The following AUTS2 variants were observed in gnomAD, a reference collection of about 807,000 sequenced individuals.
The protein encoded by AUTS2 is autism susceptibility gene 2 protein.
AUTS2 carries 17 observed loss-of-function variants against 112.4 expected under a neutral mutation model. The ratio of observed to expected loss-of-function variants is 0.15; its 90% confidence interval spans 0.10 to 0.23. The LOEUF (loss-of-function observed/expected upper bound fraction) is 0.23. Ranked by LOEUF, AUTS2 falls within the 10% of genes least tolerant of loss-of-function variation. The pLI, the probability that AUTS2 is intolerant of heterozygous loss-of-function variation, is 1.00. For missense variants in AUTS2, 1,510 were observed against 1,701.6 expected (o/e 0.89, Z 1.98); for synonymous variants, 751 against 702.7 (o/e 1.07, Z -1.09).
intron 4 of AUTS2, among the ~76,000 whole-genome samples, chr7:70,373,816 T>C (rs1232652887): frequency 6.6e-6 from 1 of 152,232 alleles, no homozygotes; most frequent in Non-Finnish European, 1.5e-5. Flanking sequence ...TGGTTTTTGT[T>C]TATATCCTTC....
intron 4 of AUTS2, among the ~76,000 whole-genome samples, chr7:70,395,817 G>A (rs1228590991): frequency 2.0e-5 from 3 of 152,168 alleles, no homozygotes; most frequent in African/African-American, 7.2e-5. Context: ...TCTGGGAACT[G>A]CACTTAACTC....
chr7:69,978,987 A>T (rs1256543239), intron 2 of AUTS2, among the ~76,000 whole-genome samples: 1 of 152,016 alleles, frequency 6.6e-6, no homozygotes, highest in Non-Finnish European at 1.5e-5. Flanking sequence ...GTTTAAAGTT[A>T]TGTACTCTAG....
At chr7:70,581,301 G>A (rs1455923842) in intron 5 of AUTS2, among the ~76,000 whole-genome samples, 3 of 152,170 alleles carry the variant, frequency 2.0e-5, no homozygotes, top group Non-Finnish European at 2.9e-5. Flanking sequence ...CAGGAAAATT[G>A]CTTGAAACTG....
At chr7:70,487,180 G>A (rs138870423) in intron 5 of AUTS2, among the ~76,000 whole-genome samples, 18 of 152,168 alleles carry the variant, frequency 1.2e-4, no homozygotes, top group African/African-American at 3.1e-4. Context: ...GACACATTTT[G>A]CCCTCCTTTT....
Position 69,598,550 on chromosome 7 carries a change from G to GAGA in AUTS2, c.-1104_-1103insAGA. ...GGCTCGGGGCTTTCTCGGCGGCGGCGGCGGCAGCAGCAGCAGCGTTAGCGG... is the reference window on the plus strand; with the variant it reads ...GGCTCGGGGCTTTCTCGGCGGCGGCGAGAGCGGCAGCAGCAGCAGCGTTAGCGG... On this transcript the variant is annotated 5_prime_UTR_variant, in exon 1 of 19. Transcript: ENST00000342771. The GAGA allele has an allele frequency of 5.8e-6, 1 of 172,242 alleles. No homozygotes were observed. Among genetic ancestry groups the GAGA allele is most frequent in the Non-Finnish European group, 1.2e-5 (1 of 82,304 alleles). The allele number at this position is 172,242 out of a possible 1,614,324, so 10.7% of individuals were successfully genotyped here.
intron 5 of AUTS2, among the ~76,000 whole-genome samples, chr7:70,466,963 G>T: frequency 6.6e-6 from 1 of 152,200 alleles, no homozygotes; most frequent in Non-Finnish European, 1.5e-5. Flanking sequence ...CAATGTGGGG[G>T]CTGAGAGAAG....
chr7:70,305,358 G>T (rs955335189), intron 4 of AUTS2, among the ~76,000 whole-genome samples: 4 of 151,232 alleles, frequency 2.6e-5, no homozygotes, highest in African/African-American at 9.7e-5. Context: ...CACCTTTTTG[G>T]TTTTCCTTTT....
intron 4 of AUTS2, among the ~76,000 whole-genome samples, chr7:70,257,119 G>C (rs1175081690): frequency 6.6e-6 from 1 of 152,026 alleles, no homozygotes; most frequent in Non-Finnish European, 1.5e-5. Context: ...CCTTCCTTCT[G>C]CATGCCTATT....
chr7:69,856,775 G>A (rs922430053), intron 1 of AUTS2, among the ~76,000 whole-genome samples: 24 of 152,272 alleles, frequency 1.6e-4, no homozygotes, highest in Admixed American at 1.6e-3. Context: ...TTTCCTTGTT[G>A]TACCCTTGTT....
At chr7:69,660,739 T>G (rs1795749418) in intron 1 of AUTS2, among the ~76,000 whole-genome samples, 1 of 152,194 alleles carries the variant, frequency 6.6e-6, no homozygotes, top group Admixed American at 6.5e-5. Flanking sequence ...AAGACCTTCC[T>G]GGCTAACACA....
At chr7:70,562,641 C>T (rs1462075286) in intron 5 of AUTS2, among the ~76,000 whole-genome samples, 2 of 152,136 alleles carry the variant, frequency 1.3e-5, no homozygotes, top group Non-Finnish European at 2.9e-5. Context: ...ACCAGGAACC[C>T]CTTATTTCTT....
rs539906116 is a variant in AUTS2, at chr7:70,515,023, AT to A, written c.690+79250del. ...AGCTCTTTATATACTCTGGATACTAATTTTTTTTGGTTGTATGTTTTGTAAC... is the reference window on the plus strand; with the variant it reads ...AGCTCTTTATATACTCTGGATACTAATTTTTTTGGTTGTATGTTTTGTAAC... On this transcript the variant is annotated intron_variant, in intron 5 of 18. Transcript: ENST00000342771. 1.4e-3 allele frequency among the ~76,000 whole-genome samples: 220 copies of A among 151,832 alleles called. 2 individuals carry two copies. In the Middle Eastern group the frequency reaches 0.02, roughly 14 times the overall value.
intron 2 of AUTS2, among the ~76,000 whole-genome samples, chr7:70,112,906 C>G (rs1584740928): frequency 1.3e-5 from 2 of 151,772 alleles, no homozygotes; most frequent in Non-Finnish European, 2.9e-5. Context: ...GCTTTCTTGC[C>G]ACTTTTCTTA....
At chr7:70,740,124 A>G (rs1367392646) in intron 6 of AUTS2, among the ~76,000 whole-genome samples, 6 of 152,196 alleles carry the variant, frequency 3.9e-5, no homozygotes, top group Non-Finnish European at 8.8e-5. Flanking sequence ...TTTCCCAGTG[A>G]CAGATTTTTA....
chr7:69,975,670 ATTTT>A (rs1330105144), intron 2 of AUTS2, among the ~76,000 whole-genome samples: 4 of 150,438 alleles, frequency 2.7e-5, no homozygotes, highest in Non-Finnish European at 5.9e-5. Context: ...CATCCGTTGA[ATTTT>A]TTTAATTGTT....
At chr7:70,558,633 TC>T (rs1280643093) in intron 5 of AUTS2, among the ~76,000 whole-genome samples, 1 of 152,222 alleles carries the variant, frequency 6.6e-6, no homozygotes, top group Non-Finnish European at 1.5e-5. Flanking sequence ...GCCTCAGCTT[TC>T]TGAAAAATAT....
intron 6 of AUTS2, among the ~76,000 whole-genome samples, chr7:70,735,089 C>T (rs540407099): frequency 1.3e-5 from 2 of 152,088 alleles, no homozygotes; most frequent in East Asian, 3.9e-4. Flanking sequence ...AGGAAATGGC[C>T]GTCAATTCTG....
At chr7:70,221,510 C>T (rs1811483826) in intron 4 of AUTS2, among the ~76,000 whole-genome samples, 1 of 152,142 alleles carries the variant, frequency 6.6e-6, no homozygotes, top group Non-Finnish European at 1.5e-5. Flanking sequence ...AGTCCTTGCC[C>T]CCAGCCTACC....
intron 1 of AUTS2, among the ~76,000 whole-genome samples, chr7:69,615,233 A>T (rs958300276): frequency 3.3e-5 from 5 of 152,204 alleles, no homozygotes; most frequent in African/African-American, 1.2e-4. Context: ...ATGGGCTGTC[A>T]GGGATGGGTG....
Sources: allele counts gnomAD v4.1 joint callset (sites outside exome capture counted in the v4.1 genomes callset), GRCh38; gene constraint gnomAD v4.1.1; transcripts MANE v1.5; gene names NCBI Gene and HGNC (gene_info 2026-07-23, HGNC 2026-07-21).